Variants in UMAD1 observed in about 807,000 individuals in gnomAD.
UMAD1 encodes UBAP1-MVB12-associated (UMA) domain containing 1.
In UMAD1, 8 loss-of-function variants were observed where a neutral mutation model predicts 6.1. The ratio of observed to expected loss-of-function variants is 1.30; its 90% CI spans 0.76 to 2.35. The LOEUF (loss-of-function observed/expected upper bound fraction) is 2.35, where lower values mean the gene tolerates loss of function less well. Ranked by LOEUF, UMAD1 falls within the 30% of genes most tolerant of loss-of-function variation. The pLI is 0.00. For synonymous variants in UMAD1, 56 were observed against 31.4 expected, an observed-to-expected ratio of 1.78 and a Z score of -2.61; for missense variants, 130 against 78.4, an observed-to-expected ratio of 1.66 and a Z score of -2.49.
At chr7:7,760,742 C>T (rs1781872488) in intron 2 of UMAD1, among the ~76,000 whole-genome samples, 1 of 152,028 alleles carries the variant, frequency 6.6e-6, no homozygotes, top group Non-Finnish European at 1.5e-5. Context: ...AGTAGGGCAC[C>T]TCCTGGGCAC....
At chr7:7,746,169 C>T (rs547279574) in intron 2 of UMAD1, among the ~76,000 whole-genome samples, 6 of 152,316 alleles carry the variant, frequency 3.9e-5, no homozygotes, top group African/African-American at 1.4e-4. Flanking sequence ...AGAGTTTGTA[C>T]TGTTTCCTTC....
chr7:7,689,551 C>T (rs1442196677), intron 2 of UMAD1: 1 of 152,148 alleles, frequency 6.6e-6, no homozygotes, highest in Non-Finnish European at 1.5e-5. Flanking sequence ...CGATGTTTGA[C>T]AGATGTGCTT....
chr7:7,797,983 G>A (rs1452745123), intron 2 of UMAD1, among the ~76,000 whole-genome samples: 5 of 152,182 alleles, frequency 3.3e-5, no homozygotes, highest in Non-Finnish European at 7.3e-5. Context: ...CACCGTGCCT[G>A]GCCATCATTC....
At chr7:7,739,160 A>G (rs1781414232) in intron 2 of UMAD1, among the ~76,000 whole-genome samples, 1 of 152,264 alleles carries the variant, frequency 6.6e-6, no homozygotes, top group African/African-American at 2.4e-5. Context: ...ATTTTAATGT[A>G]GGAAATTAGC....
At chr7:7,653,553 C>T (rs1785274214) in intron 1 of UMAD1, among the ~76,000 whole-genome samples, 2 of 152,170 alleles carry the variant, frequency 1.3e-5, no homozygotes, top group African/African-American at 2.4e-5. Flanking sequence ...AAGTGCATCA[C>T]GCACTAGGTG....
At chr7:7,705,867 G>T (rs1225035414) in intron 2 of UMAD1, among the ~76,000 whole-genome samples, 1 of 152,136 alleles carries the variant, frequency 6.6e-6, no homozygotes, top group Non-Finnish European at 1.5e-5. Context: ...GGTTGTAAAT[G>T]GGGGAGGGTG....
chr7:7,761,718 T>C (rs915484853), intron 2 of UMAD1, among the ~76,000 whole-genome samples: 2 of 152,246 alleles, frequency 1.3e-5, no homozygotes, highest in African/African-American at 2.4e-5. Flanking sequence ...ACTCATCTTA[T>C]TATTTATTGA....
chr7:7,776,885 C>T (rs1031802882), intron 2 of UMAD1, among the ~76,000 whole-genome samples: 4 of 150,640 alleles, frequency 2.7e-5, no homozygotes, highest in African/African-American at 7.3e-5. Context: ...CATCTGTCAT[C>T]GATCCACACA....
chr7:7,766,431 A>T (rs1258503606), intron 2 of UMAD1, among the ~76,000 whole-genome samples: 1 of 152,174 alleles, frequency 6.6e-6, no homozygotes, highest in Non-Finnish European at 1.5e-5. Context: ...CGTGTAGTTT[A>T]GAAATAGTAT....
intron 2 of UMAD1, among the ~76,000 whole-genome samples, chr7:7,732,763 G>A (rs748509733): frequency 2.0e-5 from 3 of 152,182 alleles, no homozygotes; most frequent in Non-Finnish European, 4.4e-5. Flanking sequence ...AGTGGGATAG[G>A]TCAAGTTTAA....
At chr7:7,779,670 G>A (rs112436937) in intron 2 of UMAD1, among the ~76,000 whole-genome samples, 2 of 151,590 alleles carry the variant, frequency 1.3e-5, no homozygotes, top group African/African-American at 4.9e-5. Context: ...TTTGAGACAG[G>A]GTCTCACTCT....
intron 2 of UMAD1, among the ~76,000 whole-genome samples, chr7:7,793,406 C>T (rs1037341264): frequency 4.6e-5 from 7 of 152,106 alleles, no homozygotes; most frequent in African/African-American, 1.7e-4. Context: ...TGGCCATTCC[C>T]CTGTTCTTTC....
rs575087303 is a variant in UMAD1, at chr7:7,840,747, C to G, written c.157-36534C>G. Reference sequence around the variant, plus strand: ...TGGGGAAAGTCTCCAGATGTTTTATCAAAGGTTCTTCACAGAAGGTTAAAA... The same window carrying G: ...TGGGGAAAGTCTCCAGATGTTTTATGAAAGGTTCTTCACAGAAGGTTAAAA... On this transcript the variant is annotated intron_variant, in intron 3 of 3. Coordinates refer to ENST00000682710, the MANE Select transcript of UMAD1 (RefSeq NM_001302348.2). Among the ~76,000 whole-genome samples the G allele has an allele frequency of 9.9e-5, 15 of 152,256 alleles. No homozygotes were observed. The South Asian group carries it at 3.1e-3, about 32-fold the overall frequency.
rs1389153332 is a variant in UMAD1 at position 7,702,614 on chromosome 7, A to G, written c.82+29161A>G. Among the ~76,000 whole-genome samples the G allele has an allele frequency of 2.0e-5, 3 of 152,320 alleles. No individual in the cohort carries two copies. In the East Asian group the frequency reaches 5.8e-4, roughly 29 times the overall value. On this transcript the variant is annotated intron_variant, in intron 2 of 3. Coordinates refer to ENST00000682710, the MANE Select transcript of UMAD1 (RefSeq NM_001302348.2). Reference sequence around the variant, plus strand: ...TTTATTTTCAAATGAACAGCCCTCAAAGATGAAAATAAAAAGCAAAAGTTT... The same window carrying G: ...TTTATTTTCAAATGAACAGCCCTCAGAGATGAAAATAAAAAGCAAAAGTTT...
intron 3 of UMAD1, among the ~76,000 whole-genome samples, chr7:7,814,011 G>A (rs768806857): frequency 4.0e-5 from 6 of 151,466 alleles, no homozygotes; most frequent in African/African-American, 1.5e-4. Context: ...TTGAGACGGA[G>A]TCTCGCTCTG....
chr7:7,746,981 G>GTC (rs1781584981), intron 2 of UMAD1, among the ~76,000 whole-genome samples: 1 of 139,384 alleles, frequency 7.2e-6, no homozygotes, highest in African/African-American at 3.0e-5. Flanking sequence ...GTGTGTGTGT[G>GTC]TGTGTGTCTG....
At chr7:7,682,868 T>C (rs1267021605) in intron 2 of UMAD1, among the ~76,000 whole-genome samples, 1 of 152,252 alleles carries the variant, frequency 6.6e-6, no homozygotes, top group Non-Finnish European at 1.5e-5. Flanking sequence ...TGTAGATGCT[T>C]GTTTTTCTAT....
intron 2 of UMAD1, among the ~76,000 whole-genome samples, chr7:7,699,049 T>TGG (rs63713363): frequency 1.1e-3 from 161 of 143,680 alleles, no homozygotes; most frequent in Non-Finnish European, 2.1e-3. Context: ...TGTGTGTGTG[T>TGG]GGGGGGGGGG....
intron 3 of UMAD1, among the ~76,000 whole-genome samples, chr7:7,858,385 A>C (rs1784058211): frequency 1.3e-5 from 2 of 152,320 alleles, no homozygotes; most frequent in South Asian, 4.1e-4. Context: ...ACTCACCTGC[A>C]AAGAGGGCAG....
Sources: allele counts gnomAD v4.1 joint callset (sites outside exome capture counted in the v4.1 genomes callset), GRCh38; gene constraint gnomAD v4.1.1; transcripts MANE v1.5; gene names NCBI Gene and HGNC (gene_info 2026-07-23, HGNC 2026-07-21).